The following VPS13A variants were observed in gnomAD, a reference collection of about 807,000 sequenced individuals.
VPS13A encodes the protein intermembrane lipid transfer protein VPS13A.
Under a neutral mutation model 390.9 loss-of-function variants are expected in VPS13A, and 264 were observed. The ratio of observed to expected loss-of-function variants is 0.68; its 90% CI spans 0.61 to 0.75. The LOEUF (loss-of-function observed/expected upper bound fraction) is 0.75, where lower values mean the gene tolerates loss of function less well. VPS13A is among the 30% of genes least tolerant of loss of function. VPS13A has a pLI of 0.00. For missense variants in VPS13A, 3,409 were observed against 3,733.9 expected, an observed-to-expected ratio of 0.91 and a Z score of 2.27; for synonymous variants, 1,231 against 1,227.1, an observed-to-expected ratio of 1.00 and a Z score of -0.07.
At chr9:77,201,241 T>G in intron 2 of VPS13A, 124 bp from the exon 3 acceptor site, 1 of 655,326 alleles carries the variant, frequency 1.5e-6, no homozygotes, top group African/African-American at 1.8e-5. Context: ...ATGTTGATGA[T>G]AAGGAAATGT....
rs560445300 is a variant in VPS13A, at chr9:77,177,555, C to A, written c.-150C>A. ...GACCGCCTCCGTCTCTCGCTGGGCT[C>A]GCTAGGGCTGCGCGTTGGGCCAGCG... On this transcript the variant is annotated 5_prime_UTR_variant, in exon 1 of 72. Transcript: ENST00000360280. The A allele has an allele frequency of 1.1e-5, 8 of 712,450 alleles. No homozygotes were observed. The highest frequency in any genetic ancestry group is 2.8e-5 in the East Asian group (1 of 35,834). 44.1% of individuals were successfully genotyped at this position (712,450 alleles called of 1,614,324 possible). A position where few individuals can be genotyped will look rare whatever the true frequency, so the allele number is the denominator to read the frequency against.
intron 62 of VPS13A, 60 bp from the exon 63 acceptor site, chr9:77,369,239 T>C: frequency 1.5e-6 from 2 of 1,314,298 alleles, no homozygotes. Flanking sequence ...TTTTAAATAA[T>C]GTATAAGAAA....
At position 77,228,046 on chromosome 9, in the gene VPS13A, G is replaced by A. The variant is rs1383184618; in HGVS notation, c.1453-76G>A. ...TAAAATATTTGGTGGTTTTTGAAAT[G>A]AATGTACTATAAGAATATTTGTTAT... On this transcript the variant is annotated intron_variant, in intron 16 of 71. Transcript: ENST00000360280. The A allele has an allele frequency of 2.7e-6, 3 of 1,120,438 alleles. No homozygotes were observed. In the African/African-American group the frequency reaches 4.9e-5, roughly 18 times the overall value. 69.4% of individuals were successfully genotyped at this position (1,120,438 alleles called of 1,614,324 possible).
rs199750912 is a variant in VPS13A at position 77,281,970 on chromosome 9, T to C, written c.2964+44T>C. 1.2e-5 allele frequency: 16 copies of C among 1,383,590 alleles called. No individual in the cohort carries two copies. The African/African-American group carries it at 1.2e-4, about 10-fold the overall frequency. The allele number at this position is 1,383,590 out of a possible 1,614,324, so 85.7% of individuals were successfully genotyped here. A position where few individuals can be genotyped will look rare whatever the true frequency, so the allele number is the denominator to read the frequency against. On this transcript the variant is annotated intron_variant, in intron 28 of 71. Coordinates refer to ENST00000360280, the MANE Select transcript of VPS13A (RefSeq NM_033305.3). The stretch of plus-strand genomic sequence containing the variant: ...TTTTTTAATTATGTACTATTTCTTA[T>C]GGAAATTATTTTCTAACTGGAATTG...
chr9:77,338,401 G>A (rs986865488), intron 47 of VPS13A: 5 of 152,180 alleles, frequency 3.3e-5, no homozygotes, highest in Non-Finnish European at 7.4e-5. Flanking sequence ...CTGTCAGGTA[G>A]ATTTGAAATT....
chr9:77,303,832 G>A (rs558611166), intron 34 of VPS13A, among the ~76,000 whole-genome samples: 12 of 152,176 alleles, frequency 7.9e-5, no homozygotes, highest in Admixed American at 1.3e-4. Context: ...AACATGTCTC[G>A]CCTCCCACCA....
intron 10 of VPS13A, among the ~76,000 whole-genome samples, chr9:77,219,152 T>G (rs1463987365): frequency 6.6e-6 from 1 of 152,074 alleles, no homozygotes; most frequent in African/African-American, 2.4e-5. Context: ...CTAAATTTAT[T>G]TATTTCTTCT....
At chr9:77,314,356 G>T in intron 36 of VPS13A, 139 bp from the exon 37 acceptor site, 1 of 970,556 alleles carries the variant, frequency 1.0e-6, no homozygotes, top group Non-Finnish European at 1.5e-6. Context: ...TATATTTTTA[G>T]CCTTTCATTA....
intron 10 of VPS13A, 147 bp downstream of exon 10, chr9:77,214,533 ATAT>A: frequency 3.5e-6 from 2 of 571,240 alleles, no homozygotes; most frequent in South Asian, 2.4e-5. Flanking sequence ...AAAGCAAATA[ATAT>A]TATATTTTTT....
At chr9:77,229,426 A>G (rs867835129) in intron 17 of VPS13A, among the ~76,000 whole-genome samples, 1 of 152,020 alleles carries the variant, frequency 6.6e-6, no homozygotes, top group Non-Finnish European at 1.5e-5. Flanking sequence ...ATTAGCAGTC[A>G]CTCCCAAGTG....
At chr9:77,312,818 A>G (rs962293642) in intron 35 of VPS13A, among the ~76,000 whole-genome samples, 6 of 152,324 alleles carry the variant, frequency 3.9e-5, no homozygotes, top group African/African-American at 9.6e-5. Context: ...AACAGCTGCA[A>G]TTCTCACATA....
chr9:77,219,176 A>G (rs899387530), intron 10 of VPS13A, among the ~76,000 whole-genome samples: 1 of 151,640 alleles, frequency 6.6e-6, no homozygotes. Flanking sequence ...TTTTTTTTTC[A>G]ATGTAAGAAG....
At position 77,213,043 on chromosome 9, in the gene VPS13A, T is replaced by G; in HGVS notation, c.615+15T>G. ...TGGTTCGTAAGGTAAATAAATACTGTGTTTGTCAACTCATGGACTTAAGAG... is the reference window on the plus strand; with the variant it reads ...TGGTTCGTAAGGTAAATAAATACTGGGTTTGTCAACTCATGGACTTAAGAG... On this transcript the variant is annotated intron_variant, in intron 8 of 71. Coordinates refer to ENST00000360280, the MANE Select transcript of VPS13A (RefSeq NM_033305.3). 1 of 1,613,634 alleles carries G rather than the reference T, an allele frequency of 6.2e-7. No homozygotes were observed. Among genetic ancestry groups the G allele is most frequent in the Non-Finnish European group, 8.5e-7 (1 of 1,179,684 alleles).
At chr9:77,322,494 G>A (rs1166988532) in intron 44 of VPS13A, among the ~76,000 whole-genome samples, 2 of 151,814 alleles carry the variant, frequency 1.3e-5, no homozygotes, top group African/African-American at 2.4e-5. Flanking sequence ...AGGTGTTTCA[G>A]GTGTTGTCAT....
intron 55 of VPS13A, among the ~76,000 whole-genome samples, chr9:77,357,352 ACTTT>A (rs1055962227): frequency 2.0e-5 from 3 of 149,990 alleles, no homozygotes; most frequent in African/African-American, 7.3e-5. Flanking sequence ...AGAAAAGAAA[ACTTT>A]CTTTTAAGAT....
chr9:77,256,373 T>G (rs1458378431), intron 22 of VPS13A, among the ~76,000 whole-genome samples: 1 of 152,172 alleles, frequency 6.6e-6, no homozygotes, highest in Admixed American at 6.5e-5. Context: ...ATGATTTCAC[T>G]TTTTTAACAT....
At chr9:77,234,013 A>G (rs1050718530) in intron 17 of VPS13A, among the ~76,000 whole-genome samples, 3 of 151,990 alleles carry the variant, frequency 2.0e-5, no homozygotes, top group East Asian at 1.9e-4. Context: ...ATTGTGAGCT[A>G]TTTCTCCCTT....
intron 59 of VPS13A, among the ~76,000 whole-genome samples, chr9:77,362,013 G>A (rs943606481): frequency 1.2e-4 from 19 of 152,004 alleles, no homozygotes; most frequent in African/African-American, 4.3e-4. Flanking sequence ...TATTTAATGA[G>A]TTATTTGTCT....
At chr9:77,345,349 GA>G (rs1433578461) in intron 52 of VPS13A, among the ~76,000 whole-genome samples, 1 of 152,174 alleles carries the variant, frequency 6.6e-6, no homozygotes, top group East Asian at 1.9e-4. Flanking sequence ...TTCAAAGAAA[GA>G]AAAATGGAAG....
Sources: allele counts gnomAD v4.1 joint callset (sites outside exome capture counted in the v4.1 genomes callset), GRCh38; gene constraint gnomAD v4.1.1; transcripts MANE v1.5; gene names NCBI Gene and HGNC (gene_info 2026-07-23, HGNC 2026-07-21).